Variants in SUFU observed in about 807,000 individuals in gnomAD.
SUFU encodes the protein suppressor of fused homolog.
A neutral mutation model predicts 58.9 loss-of-function variants in SUFU; 7 were observed. The observed-to-expected ratio is 0.12, with a 90% CI of 0.07 to 0.22. The LOEUF (loss-of-function observed/expected upper bound fraction) is 0.22. Ranked by LOEUF, SUFU falls within the 10% of genes least tolerant of loss-of-function variation. The probability of loss-of-function intolerance (pLI) is 1.00; values close to 1 mark genes in which losing one functional copy is unlikely to be tolerated. For synonymous variants in SUFU, 232 were observed against 254.8 expected, an observed-to-expected ratio of 0.91 and a Z score of 0.85; for missense variants, 451 against 641.3, an observed-to-expected ratio of 0.70 and a Z score of 3.20.
chr10:102,619,909 T>C lies in SUFU; in HGVS notation c.1296+2481T>C, dbSNP rs1447876981. On this transcript the variant is annotated intron_variant, in intron 10 of 11. Transcript: ENST00000369902. The surrounding 1 kb of genome is among the most constrained non-coding windows in gnomAD (Gnocchi z 4.2). ...CAGTCGCCAGTGAGGGCCACTCCAC[T>C]GGGCCAAGGAGAGCCATAGGTCCCT... Among the ~76,000 whole-genome samples the C allele has an allele frequency of 6.6e-6, 1 of 152,114 alleles. No homozygotes were observed. Among genetic ancestry groups the C allele is most frequent in the Non-Finnish European group, 1.5e-5 (1 of 68,006 alleles).
intron 2 of SUFU, among the ~76,000 whole-genome samples, chr10:102,535,497 A>AG (rs1375966440): frequency 8.7e-5 from 13 of 149,676 alleles, no homozygotes; most frequent in South Asian, 2.1e-4. Flanking sequence ...AAAAAAAAAA[A>AG]AGAGAAAGAA....
In SUFU at chr10:102,509,244, G is replaced by A. The variant is rs1183328233; in HGVS notation, c.258G>A (p.Glu86=). The A allele has an allele frequency of 2.5e-6, 4 of 1,614,174 alleles. No individual in the cohort carries two copies. The highest frequency in any genetic ancestry group is 3.4e-6 in the Non-Finnish European group (4 of 1,180,032). Residue 86 remains glutamate, a synonymous_variant, in exon 2 of 12, where the codon GAG becomes GAA. Coordinates refer to ENST00000369902, the MANE Select transcript of SUFU (RefSeq NM_016169.4). ...GGAGCCCTTCTGCTAACATCCCCGA[G>A]CACTGGCACTACATCAGCTTCGGCC... is the stretch of plus-strand genomic sequence containing the variant. ...NVGSPSANIP[E]HWHYISFGLS...
chr10:102,590,628 A>G (rs888972355), intron 3 of SUFU, among the ~76,000 whole-genome samples: 1 of 152,124 alleles, frequency 6.6e-6, no homozygotes, highest in Non-Finnish European at 1.5e-5. Flanking sequence ...TGAATTAGAA[A>G]TTATTTCTTT....
intron 2 of SUFU, among the ~76,000 whole-genome samples, chr10:102,530,968 T>C (rs1206083785): frequency 6.6e-6 from 1 of 151,450 alleles, no homozygotes; most frequent in Admixed American, 6.6e-5. Context: ...CTGTGCATGG[T>C]GGTTCACACC....
Position 102,630,478 on chromosome 10 carries a change from G to A in SUFU, c.*323G>A. 2.2e-6 allele frequency: 1 copy of A among 464,428 alleles called. No homozygotes were observed. The highest frequency in any genetic ancestry group is 3.8e-5 in the East Asian group (1 of 26,214). 28.8% of individuals were successfully genotyped at this position (464,428 alleles called of 1,614,324 possible). On this transcript the variant is annotated 3_prime_UTR_variant, in exon 12 of 12. Coordinates refer to ENST00000369902, the MANE Select transcript of SUFU (RefSeq NM_016169.4). ...CTCTGGACCCTGGCTGTGCCCCTAG[G>A]TGGAGACAGCCCTCTTTCTCACCTA...
intron 6 of SUFU, among the ~76,000 whole-genome samples, chr10:102,596,093 G>A (rs538184594): frequency 6.6e-6 from 1 of 152,268 alleles, no homozygotes; most frequent in South Asian, 2.1e-4. Flanking sequence ...GCCCAGGCCA[G>A]CATTAGCACT....
At chr10:102,618,686 C>A in intron 10 of SUFU, 1 of 302,516 alleles carries the variant, frequency 3.3e-6, no homozygotes, top group East Asian at 6.0e-5. Flanking sequence ...GATTTCTGTC[C>A]ATGTGGTGTT....
intron 8 of SUFU, 28 bp downstream of exon 8, chr10:102,599,572 A>C: frequency 2.5e-6 from 4 of 1,598,338 alleles, no homozygotes; most frequent in Non-Finnish European, 2.6e-6. Context: ...CCTGGGCTGG[A>C]ACAAGAGGAC....
chr10:102,534,265 A>G (rs1283798314), intron 2 of SUFU, among the ~76,000 whole-genome samples: 1 of 152,188 alleles, frequency 6.6e-6, no homozygotes, highest in Non-Finnish European at 1.5e-5. Flanking sequence ...CGTCTCTACT[A>G]AAAATACAAA....
intron 2 of SUFU, among the ~76,000 whole-genome samples, chr10:102,512,291 A>G (rs950944300): frequency 6.6e-6 from 1 of 152,234 alleles, no homozygotes; most frequent in Non-Finnish European, 1.5e-5. Flanking sequence ...TGTGGGGAGT[A>G]AAGAGACTAT....
At chr10:102,559,853 A>G (rs1377034713) in intron 3 of SUFU, among the ~76,000 whole-genome samples, 1 of 152,212 alleles carries the variant, frequency 6.6e-6, no homozygotes, top group Non-Finnish European at 1.5e-5. Context: ...TTGCGTTTTT[A>G]GGAAAAACGT....
chr10:102,568,660 G>T (rs993056185), intron 3 of SUFU, among the ~76,000 whole-genome samples: 17 of 151,526 alleles, frequency 1.1e-4, no homozygotes, highest in African/African-American at 4.1e-4. Context: ...GATCACCTGA[G>T]GTCAGGAGTT....
chr10:102,586,914 A>G (rs1435135840), intron 3 of SUFU, among the ~76,000 whole-genome samples: 1 of 152,060 alleles, frequency 6.6e-6, no homozygotes, highest in Non-Finnish European at 1.5e-5. Flanking sequence ...GTCTCTATAA[A>G]TTTGCCTACC....
intron 8 of SUFU, among the ~76,000 whole-genome samples, chr10:102,601,769 A>G (rs2063517018): frequency 6.6e-6 from 1 of 152,156 alleles, no homozygotes; most frequent in Admixed American, 6.6e-5. Context: ...ACCTGACCCC[A>G]TTTCACATAC....
chr10:102,556,347 A>G (rs1355144096), intron 3 of SUFU, among the ~76,000 whole-genome samples: 1 of 152,210 alleles, frequency 6.6e-6, no homozygotes, highest in Non-Finnish European at 1.5e-5. Context: ...GGAAGTAGAA[A>G]TGGGAGAGAT....
At chr10:102,595,576 T>C (rs572159227) in intron 6 of SUFU, among the ~76,000 whole-genome samples, 1 of 105,840 alleles carries the variant, frequency 9.4e-6, no homozygotes, top group South Asian at 3.8e-4. Flanking sequence ...TAAACAGCTG[T>C]CCTTCCATGC....
At chr10:102,584,982 G>T (rs2063321856) in intron 3 of SUFU, among the ~76,000 whole-genome samples, 1 of 152,232 alleles carries the variant, frequency 6.6e-6, no homozygotes, top group South Asian at 2.1e-4. Flanking sequence ...CATACACAGT[G>T]CTGTGATGTC....
chr10:102,531,462 T>G (rs2062677081), intron 2 of SUFU, among the ~76,000 whole-genome samples: 1 of 152,230 alleles, frequency 6.6e-6, no homozygotes, highest in African/African-American at 2.4e-5. Flanking sequence ...TCACCTTTCT[T>G]GTTGAGCTGA....
chr10:102,509,618 C>G (rs2062375246), intron 2 of SUFU, among the ~76,000 whole-genome samples: 1 of 152,084 alleles, frequency 6.6e-6, no homozygotes, highest in Non-Finnish European at 1.5e-5. Flanking sequence ...GTGTCTACTT[C>G]CTTTTATTCC....
Sources: gnomAD v4.1 joint callset for allele counts (sites outside exome capture counted in the v4.1 genomes callset) on GRCh38, gnomAD v4.1.1 for gene constraint, Gnocchi (gnomAD v3.1) non-coding constraint, MANE v1.5 for transcripts, NCBI Gene and HGNC (gene_info 2026-07-23, HGNC 2026-07-21) for gene names.